RBPJ: variants seen among roughly 807,000 people sequenced by gnomAD.
The protein encoded by RBPJ is recombining binding protein suppressor of hairless.
Under a neutral mutation model 67.8 loss-of-function variants are expected in RBPJ, and 9 were observed. The ratio of observed to expected loss-of-function variants is 0.13; its 90% confidence interval spans 0.08 to 0.23. RBPJ has a LOEUF of 0.23. Ranked by LOEUF, RBPJ falls within the 10% of genes least tolerant of loss-of-function variation. RBPJ has a pLI of 1.00. For missense variants in RBPJ, 305 were observed against 595.6 expected, an observed-to-expected ratio of 0.51 and a Z score of 5.08; for synonymous variants, 198 against 203.3, an observed-to-expected ratio of 0.97 and a Z score of 0.22.
chr4:26,243,691 G>T (rs975828101), intron 1 of RBPJ, among the ~76,000 whole-genome samples: 11 of 152,114 alleles, frequency 7.2e-5, no homozygotes, highest in African/African-American at 2.2e-4. Context: ...CATCATTATG[G>T]TTTCAGATTC....
chr4:26,298,991 T>C (rs544708353), intron 1 of RBPJ, among the ~76,000 whole-genome samples: 34 of 152,336 alleles, frequency 2.2e-4, no homozygotes, highest in African/African-American at 7.9e-4. Context: ...GAAAGCTGAA[T>C]TCGTACCTCC....
chr4:26,324,144 C>T (rs1212003060), intron 1 of RBPJ, among the ~76,000 whole-genome samples: 5 of 152,052 alleles, frequency 3.3e-5, no homozygotes, highest in African/African-American at 1.2e-4. Flanking sequence ...CAGAGAGCAT[C>T]CTTGGATGAA....
intron 1 of RBPJ, chr4:26,322,046 T>A (rs1388726611): frequency 6.6e-6 from 1 of 152,032 alleles, no homozygotes; most frequent in Non-Finnish European, 1.5e-5. Flanking sequence ...TTGTTTTGCT[T>A]GGAAACAGTA....
At chr4:26,395,647 A>G (rs1450666675) in intron 2 of RBPJ, among the ~76,000 whole-genome samples, 12 of 152,006 alleles carry the variant, frequency 7.9e-5, no homozygotes, top group Non-Finnish European at 1.5e-4. Flanking sequence ...TCTGCCTGCT[A>G]GCTCCCCATT....
At chr4:26,150,652 A>G in the RBPJ span, among the ~76,000 whole-genome samples, 1 of 152,222 alleles carries the variant, frequency 6.6e-6, no homozygotes, top group Non-Finnish European at 1.5e-5. Flanking sequence ...CACTGAAAGA[A>G]CTTAAAACAG....
At chr4:26,343,008 T>C (rs1725704921) in intron 1 of RBPJ, 1 of 152,246 alleles carries the variant, frequency 6.6e-6, no homozygotes. Flanking sequence ...GTCTCTGCTG[T>C]CAAATTTTGT....
the RBPJ span, among the ~76,000 whole-genome samples, chr4:26,109,785 G>A: frequency 7.1e-6 from 1 of 141,082 alleles, no homozygotes; most frequent in Non-Finnish European, 1.5e-5. Context: ...TAAAAAAAAC[G>A]ATTAAAGTTG....
intron 7 of RBPJ, among the ~76,000 whole-genome samples, chr4:26,426,545 C>T (rs1008887797): frequency 6.6e-6 from 1 of 152,072 alleles, no homozygotes; most frequent in African/African-American, 2.4e-5. Context: ...CATGCAAAGT[C>T]GAGTGCCTCT....
chr4:26,365,636 G>A (rs554454620), intron 1 of RBPJ, among the ~76,000 whole-genome samples: 28 of 152,316 alleles, frequency 1.8e-4, no homozygotes, highest in African/African-American at 6.3e-4. Flanking sequence ...TCCACTAAGT[G>A]TATGTTTCCC....
At chr4:26,261,246 A>G (rs1026352617) in intron 1 of RBPJ, among the ~76,000 whole-genome samples, 1 of 152,204 alleles carries the variant, frequency 6.6e-6, no homozygotes, top group African/African-American at 2.4e-5. Flanking sequence ...AAAAGTGAAC[A>G]GGAAAAGAAA....
intron 3 of RBPJ, among the ~76,000 whole-genome samples, chr4:26,411,611 G>A (rs1335310774): frequency 6.6e-6 from 1 of 151,060 alleles, no homozygotes; most frequent in African/African-American, 2.4e-5. Context: ...CTATTGAAAA[G>A]TCTTCATTTT....
In RBPJ at chr4:26,244,266, TA is replaced by T. The variant is rs1560226050; in HGVS notation, c.-167+80653del. Among the ~76,000 whole-genome samples the T allele has an allele frequency of 4.9e-4, 72 of 147,054 alleles. 5 individuals are homozygous for T. Among genetic ancestry groups the T allele is most frequent in the African/African-American group, 1.7e-3 (66 of 38,898 alleles). ...ATATGTGTACACATACACATATGTG[TA>T]CACATATATGTGTGTATATGTATAC... On this transcript the variant is annotated intron_variant, in intron 1 of 4. Coordinates refer to the RBPJ transcript ENST00000512351.
At chr4:26,422,118 G>GAACT (rs1436068932) in intron 5 of RBPJ, among the ~76,000 whole-genome samples, 1 of 151,972 alleles carries the variant, frequency 6.6e-6, no homozygotes, top group Non-Finnish European at 1.5e-5. Flanking sequence ...TACTTTCCAT[G>GAACT]AACTGGTGGT....
intron 1 of RBPJ, among the ~76,000 whole-genome samples, chr4:26,251,943 G>A (rs1307886504): frequency 6.6e-6 from 1 of 151,410 alleles, no homozygotes; most frequent in African/African-American, 2.4e-5. Flanking sequence ...CGGGGCTATC[G>A]ACTGACTTTC....
chr4:26,146,209 A>G, the RBPJ span, among the ~76,000 whole-genome samples: 2 of 152,202 alleles, frequency 1.3e-5, no homozygotes, highest in Non-Finnish European at 2.9e-5. Context: ...GGCCTCCCAA[A>G]GTGCTGAGAT....
At chr4:26,374,315 T>C (rs1286717350) in intron 1 of RBPJ, among the ~76,000 whole-genome samples, 1 of 152,166 alleles carries the variant, frequency 6.6e-6, no homozygotes, top group Non-Finnish European at 1.5e-5. Context: ...TTGCAAAATT[T>C]AGTCAGTACT....
At chr4:26,298,247 G>A (rs1199921844) in intron 1 of RBPJ, among the ~76,000 whole-genome samples, 1 of 152,040 alleles carries the variant, frequency 6.6e-6, no homozygotes, top group African/African-American at 2.4e-5. Context: ...ACCTAAGTAG[G>A]ACCTCTTTGA....
intron 1 of RBPJ, among the ~76,000 whole-genome samples, chr4:26,261,155 C>T (rs1720518450): frequency 6.6e-6 from 1 of 151,872 alleles, no homozygotes; most frequent in African/African-American, 2.4e-5. Flanking sequence ...TAGTGATGGC[C>T]TAAACTGCAG....
intron 1 of RBPJ, among the ~76,000 whole-genome samples, chr4:26,283,649 CT>C (rs371025225): frequency 6.6e-4 from 94 of 142,266 alleles, no homozygotes; most frequent in South Asian, 2.4e-3. Context: ...TTTAACTAAA[CT>C]TTTTTTTTTT....
Sources: allele counts gnomAD v4.1 joint callset (sites outside exome capture counted in the v4.1 genomes callset), GRCh38; gene constraint gnomAD v4.1.1; transcripts MANE v1.5; gene names NCBI Gene and HGNC (gene_info 2026-07-23, HGNC 2026-07-21).